Variants in ZFHX3 observed in about 807,000 individuals in gnomAD.
The protein encoded by ZFHX3 is zinc finger homeobox 3.
Under a neutral mutation model 279.1 loss-of-function variants are expected in ZFHX3, and 42 were observed. The ratio of observed to expected loss-of-function variants is 0.15; its 90% CI spans 0.12 to 0.19. The LOEUF (loss-of-function observed/expected upper bound fraction) is 0.19, where lower values mean the gene tolerates loss of function less well. Among genes scored for constraint, ZFHX3 ranks in the 10% least tolerant of loss-of-function variants. The pLI is 1.00. For synonymous variants in ZFHX3, 2,293 were observed against 1,957.8 expected (o/e 1.17, Z -4.52); for missense variants, 4,981 against 4,754.0 (o/e 1.05, Z -1.40).
At chr16:72,811,819 C>T (rs778709658) in intron 6 of ZFHX3, 42 bp from the exon 7 acceptor site, 2 of 1,598,742 alleles carry the variant, frequency 1.3e-6, no homozygotes, top group Non-Finnish European at 1.7e-6. Context: ...CTGTGTGTGC[C>T]CCAAGCCCGC....
intron 4 of ZFHX3, among the ~76,000 whole-genome samples, chr16:72,830,808 G>A (rs1256091011): frequency 6.6e-6 from 1 of 152,182 alleles, no homozygotes; most frequent in African/African-American, 2.4e-5. Context: ...TGGGCTAAGG[G>A]AATGAATAAA....
chr16:73,507,921 G>A (rs755746824), intron 2 of ZFHX3, among the ~76,000 whole-genome samples: 2 of 152,116 alleles, frequency 1.3e-5, no homozygotes, highest in Non-Finnish European at 1.5e-5. Context: ...GATTAGAATC[G>A]ATTAGTACCT....
chr16:73,465,339 T>A (rs2143589595), intron 2 of ZFHX3, among the ~76,000 whole-genome samples: 1 of 152,302 alleles, frequency 6.6e-6, no homozygotes, highest in African/African-American at 2.4e-5. Context: ...GTATTTTCCT[T>A]CTCATGGCTG....
In ZFHX3 at chr16:73,675,063, G is replaced by T. The variant is rs567325105; in HGVS notation, c.-1547+5117C>A. On this transcript the variant is annotated intron_variant, in intron 2 of 17. Coordinates refer to the ZFHX3 transcript ENST00000641206. ...TCAGTGATACTCTGCCCAAGAGGAA[G>T]CTTTGGGTCTGAGCTCAGTTCCAGC... Among the ~76,000 whole-genome samples, 8 of 152,304 alleles carry T rather than the reference G, an allele frequency of 5.3e-5. No individual in the cohort carries two copies. The East Asian group carries it at 1.5e-3, about 29-fold the overall frequency.
intron 5 of ZFHX3, among the ~76,000 whole-genome samples, chr16:72,825,494 CT>C (rs764891423): frequency 6.6e-6 from 1 of 152,124 alleles, no homozygotes; most frequent in South Asian, 2.1e-4. Context: ...GTCTGTATAC[CT>C]TTTGGCGATG....
intron 2 of ZFHX3, among the ~76,000 whole-genome samples, chr16:73,604,947 C>G (rs1367765884): frequency 3.9e-5 from 6 of 151,952 alleles, no homozygotes; most frequent in African/African-American, 7.2e-5. Context: ...GTTTTCTGTT[C>G]TTTTAAAATT....
At chr16:73,114,733 C>T (rs1256829826) in intron 7 of ZFHX3, among the ~76,000 whole-genome samples, 3 of 152,158 alleles carry the variant, frequency 2.0e-5, no homozygotes, top group South Asian at 2.1e-4. Context: ...CAATTTTCTG[C>T]AAGGAAATAA....
At chr16:73,886,310 A>T (rs1217652733) in intron 1 of ZFHX3, among the ~76,000 whole-genome samples, 1 of 152,206 alleles carries the variant, frequency 6.6e-6, no homozygotes, top group African/African-American at 2.4e-5. Context: ...GAGGGAAAAA[A>T]AAACACCATT....
At chr16:72,912,634 C>A (rs575441168) in intron 3 of ZFHX3, among the ~76,000 whole-genome samples, 1 of 152,192 alleles carries the variant, frequency 6.6e-6, no homozygotes, top group East Asian at 1.9e-4. Context: ...GGTTGCTGTC[C>A]TTGGGAGGGA....
chr16:73,606,246 G>A (rs957656016), intron 2 of ZFHX3, among the ~76,000 whole-genome samples: 2 of 134,918 alleles, frequency 1.5e-5, no homozygotes, highest in African/African-American at 2.9e-5. Flanking sequence ...GGTGGCTCAC[G>A]CCTGTAATCC....
chr16:73,221,322 G>A (rs894147146), intron 5 of ZFHX3, among the ~76,000 whole-genome samples: 6 of 151,872 alleles, frequency 4.0e-5, no homozygotes, highest in Non-Finnish European at 7.4e-5. Flanking sequence ...TTATAATTTC[G>A]ATGTATCTAT....
intron 1 of ZFHX3, among the ~76,000 whole-genome samples, chr16:73,033,309 G>C (rs1394696691): frequency 3.9e-5 from 6 of 152,140 alleles, no homozygotes; most frequent in Admixed American, 2.0e-4. Flanking sequence ...GTCTGACTGA[G>C]GGAGAAACTT....
chr16:73,799,970 C>A (rs1222771076), intron 1 of ZFHX3, among the ~76,000 whole-genome samples: 1 of 152,096 alleles, frequency 6.6e-6, no homozygotes, highest in African/African-American at 2.4e-5. Flanking sequence ...CGAGGAGGAT[C>A]TCCCCGAGAT....
intron 2 of ZFHX3, among the ~76,000 whole-genome samples, chr16:73,603,486 G>C (rs1270067635): frequency 6.6e-6 from 1 of 152,042 alleles, no homozygotes; most frequent in Non-Finnish European, 1.5e-5. Context: ...CGAGAATACT[G>C]AAAGTTGGTG....
chr16:73,110,291 G>T (rs1380892268), intron 7 of ZFHX3, among the ~76,000 whole-genome samples: 3 of 151,982 alleles, frequency 2.0e-5, no homozygotes, highest in Non-Finnish European at 4.4e-5. Context: ...AAGTATCTCA[G>T]TAAGATACAT....
chr16:72,960,155 T>C lies in ZFHX3; in HGVS notation c.-10A>G. On this transcript the variant is annotated 5_prime_UTR_variant, in exon 2 of 10. Coordinates refer to ENST00000268489, the MANE Select transcript of ZFHX3 (RefSeq NM_006885.4). The stretch of plus-strand genomic sequence containing the variant: ...AGTCACAGCCTTCCATGGTAAGGCC[T>C]GCGTGGAGCTTTCATTGCACCCAGT... 1.9e-6 allele frequency: 3 copies of C among 1,549,738 alleles called. No homozygotes were observed. The highest frequency in any genetic ancestry group is 2.6e-6 in the Non-Finnish European group (3 of 1,146,176).
chr16:73,196,026 A>C (rs1230764887), intron 5 of ZFHX3, among the ~76,000 whole-genome samples: 1 of 152,222 alleles, frequency 6.6e-6, no homozygotes, highest in Non-Finnish European at 1.5e-5. Context: ...AAGTTAATGA[A>C]ACAGAAACAA....
intron 1 of ZFHX3, among the ~76,000 whole-genome samples, chr16:73,859,182 T>C (rs1961817627): frequency 6.6e-6 from 1 of 152,156 alleles, no homozygotes; most frequent in Non-Finnish European, 1.5e-5. Flanking sequence ...ATGTCCCCAG[T>C]TGAGTAAATA....
chr16:73,712,767 T>C (rs1379896905), intron 1 of ZFHX3, among the ~76,000 whole-genome samples: 1 of 152,218 alleles, frequency 6.6e-6, no homozygotes, highest in Non-Finnish European at 1.5e-5. Flanking sequence ...TAGGTATTTC[T>C]TTGTTTTCAC....
Sources: gnomAD v4.1 joint callset for allele counts (sites outside exome capture counted in the v4.1 genomes callset) on GRCh38, gnomAD v4.1.1 for gene constraint, MANE v1.5 for transcripts, NCBI Gene and HGNC (gene_info 2026-07-23, HGNC 2026-07-21) for gene names.